The following HIGD1C variants were observed in gnomAD, a reference collection of about 807,000 sequenced individuals.
The protein encoded by HIGD1C is HIG1 domain family member 1C.
Under a neutral mutation model 13.1 loss-of-function variants are expected in HIGD1C, and 11 were observed. That is an observed-to-expected ratio of 0.84 (90% CI 0.53 to 1.39). The LOEUF (loss-of-function observed/expected upper bound fraction) is 1.39. Ranked by LOEUF, HIGD1C falls within the 40% of genes most tolerant of loss-of-function variation. The pLI is 0.00. For missense variants in HIGD1C, 110 were observed against 112.0 expected (o/e 0.98, Z 0.08); for synonymous variants, 36 against 37.7 (o/e 0.95, Z 0.17).
chr12:50,961,075 G>T lies in HIGD1C; in HGVS notation c.202G>T (p.Gly68Ter). Residue 68 changes from glycine (G) to a stop codon, truncating the protein, a stop_gained, in exon 2 of 3, where the codon GGA becomes TGA. Transcript: ENST00000398455. LOFTEE classifies it high-confidence loss of function. ...TATTCACATGAGAGTTGCTGCCCAA[G>T]GATTTGTTGTTGGAGCTGTGACTCT... 6.2e-7 allele frequency: 1 copy of T among 1,613,866 alleles called. No individual in the cohort carries two copies. Among genetic ancestry groups the T allele is most frequent in the Non-Finnish European group, 8.5e-7 (1 of 1,179,842 alleles).
chr12:50,942,096 G>A, the HIGD1C span, among the ~76,000 whole-genome samples: 2 of 151,992 alleles, frequency 1.3e-5, no homozygotes, highest in Admixed American at 1.3e-4. Flanking sequence ...TGCCCAGGCT[G>A]GTCTCAAACT....
the HIGD1C span, among the ~76,000 whole-genome samples, chr12:50,944,351 C>A: frequency 6.6e-6 from 1 of 152,136 alleles, no homozygotes; most frequent in African/African-American, 2.4e-5. Flanking sequence ...AAAATCAAAA[C>A]AAAATAACAC....
intron 1 of HIGD1C, 125 bp downstream of exon 3, chr12:50,954,217 C>T (rs1277920680): frequency 1.7e-6 from 1 of 599,982 alleles, no homozygotes; most frequent in African/African-American, 1.9e-5. Flanking sequence ...CTAACCTCCT[C>T]TAAGCATGTG....
At chr12:50,951,647 G>A (rs987267117), upstream of HIGD1C, among the ~76,000 whole-genome samples, 3 of 152,020 alleles carry the variant, frequency 2.0e-5, no homozygotes, top group African/African-American at 7.2e-5. Context: ...GGCTGGGCGC[G>A]GTGGCTCACA....
intron 1 of HIGD1C, among the ~76,000 whole-genome samples, chr12:50,958,551 G>A (rs1360195465): frequency 1.3e-5 from 2 of 151,638 alleles, no homozygotes; most frequent in Admixed American, 6.6e-5. Flanking sequence ...AAAGTGCTGG[G>A]ATTACAGGCG....
chr12:50,955,458 A>G (rs541869591), intron 1 of HIGD1C, among the ~76,000 whole-genome samples: 3 of 152,326 alleles, frequency 2.0e-5, no homozygotes, highest in African/African-American at 2.4e-5. Flanking sequence ...CCATGGATGT[A>G]TACTGCAGCC....
At chr12:50,959,579 A>G (rs999640166) in intron 1 of HIGD1C, among the ~76,000 whole-genome samples, 2 of 152,144 alleles carry the variant, frequency 1.3e-5, no homozygotes, top group Non-Finnish European at 2.9e-5. Flanking sequence ...CTCTATACCA[A>G]TAAGTTATAC....
the HIGD1C span, among the ~76,000 whole-genome samples, chr12:50,933,848 G>A: frequency 6.6e-6 from 1 of 152,198 alleles, no homozygotes; most frequent in Non-Finnish European, 1.5e-5. Context: ...CACATGGGAG[G>A]ATCCATGACC....
upstream of HIGD1C, among the ~76,000 whole-genome samples, chr12:50,952,000 A>G (rs568792464): frequency 6.6e-6 from 1 of 151,638 alleles, no homozygotes; most frequent in South Asian, 2.1e-4. Flanking sequence ...ACTAAAGGAG[A>G]CTAAAGAAAC....
chr12:50,959,252 TG>T (rs1431387900), intron 1 of HIGD1C, among the ~76,000 whole-genome samples: 1 of 151,858 alleles, frequency 6.6e-6, no homozygotes, highest in Non-Finnish European at 1.5e-5. Context: ...CCTGAGTAGC[TG>T]GGATTACAGG....
In HIGD1C at chr12:50,969,521, G is replaced by A. The variant is rs571069291; in HGVS notation, c.230-921G>A. ...TCAAGACCGGCCTGGCCAACATGGC[G>A]AAACGCTGTCTGTACTAAAAATACA... On this transcript the variant is annotated intron_variant, in intron 2 of 2. Transcript: ENST00000398455. Among the ~76,000 whole-genome samples the A allele has an allele frequency of 3.9e-5, 6 of 152,070 alleles. No individual in the cohort carries two copies. In the East Asian group the frequency reaches 5.8e-4, roughly 15 times the overall value.
the HIGD1C span, among the ~76,000 whole-genome samples, chr12:50,944,555 C>A: frequency 5.9e-5 from 9 of 152,178 alleles, no homozygotes; most frequent in South Asian, 1.9e-3. Context: ...CCTCAAGTTA[C>A]TGCTTTCTCA....
chr12:50,956,186 G>A (rs1326175782), intron 1 of HIGD1C, among the ~76,000 whole-genome samples: 3 of 152,224 alleles, frequency 2.0e-5, no homozygotes, highest in Non-Finnish European at 4.4e-5. Context: ...GAAATCAGGA[G>A]TTTGAGACCA....
At chr12:50,940,039 T>C in the HIGD1C span, 1 of 152,138 alleles carries the variant, frequency 6.6e-6, no homozygotes. Flanking sequence ...TCTGGATTAT[T>C]ATACATTATA....
At chr12:50,949,572 C>T (rs898546573), upstream of HIGD1C, among the ~76,000 whole-genome samples, 1 of 116,554 alleles carries the variant, frequency 8.6e-6, no homozygotes, top group Non-Finnish European at 1.6e-5. Context: ...CTCACTCTGT[C>T]GTCCAGGCTG....
chr12:50,962,191 G>A (rs11833478), intron 2 of HIGD1C, among the ~76,000 whole-genome samples: 5,014 of 152,108 alleles, frequency 0.033, 273 homozygotes, highest in African/African-American at 0.11. Flanking sequence ...TTCGATACCA[G>A]CCTGGCCAAC....
chr12:50,970,252 T>C (rs931425692), intron 2 of HIGD1C, among the ~76,000 whole-genome samples, 190 bp from the exon 5 acceptor site: 1 of 152,232 alleles, frequency 6.6e-6, no homozygotes, highest in Admixed American at 6.5e-5. Flanking sequence ...TTGAAAGGGC[T>C]CCTAGAGTTT....
chr12:50,948,787 G>A, the HIGD1C span, among the ~76,000 whole-genome samples: 10 of 136,404 alleles, frequency 7.3e-5, no homozygotes, highest in Admixed American at 2.3e-4. Flanking sequence ...CAGGAGAATC[G>A]CTGGAACCCA....
chr12:50,951,497 A>G (rs971348547), upstream of HIGD1C, among the ~76,000 whole-genome samples: 3 of 152,182 alleles, frequency 2.0e-5, no homozygotes, highest in Non-Finnish European at 4.4e-5. Context: ...CACTAAGAAG[A>G]GCACAACATC....
Sources: allele counts gnomAD v4.1 joint callset (sites outside exome capture counted in the v4.1 genomes callset), GRCh38; gene constraint gnomAD v4.1.1; transcripts MANE v1.5; gene names NCBI Gene and HGNC (gene_info 2026-07-23, HGNC 2026-07-21).